ZNHIT6: variants seen among roughly 807,000 people sequenced by gnomAD.
ZNHIT6 encodes the protein zinc finger HIT-type containing 6.
Under a neutral mutation model 57.2 loss-of-function variants are expected in ZNHIT6, and 45 were observed. The ratio of observed to expected loss-of-function variants is 0.79; its 90% CI spans 0.62 to 1.01. The LOEUF (loss-of-function observed/expected upper bound fraction) is 1.01, where lower values mean the gene tolerates loss of function less well. Ranked by LOEUF, ZNHIT6 falls within the 50% of genes least tolerant of loss-of-function variation. The probability of loss-of-function intolerance (pLI) is 0.00; values close to 1 mark genes in which losing one functional copy is unlikely to be tolerated. For missense variants in ZNHIT6, 528 were observed against 567.3 expected (o/e 0.93, Z 0.70); for synonymous variants, 188 against 190.0 (o/e 0.99, Z 0.09).
chr1:85,668,987 T>TAA (rs199522041), intron 8 of ZNHIT6, among the ~76,000 whole-genome samples: 35 of 149,258 alleles, frequency 2.3e-4, no homozygotes, highest in African/African-American at 8.4e-4. Context: ...ACAGAGATTG[T>TAA]AAAAAAAAAA....
chr1:85,700,371 G>T (rs1001315887), intron 5 of ZNHIT6, among the ~76,000 whole-genome samples: 2 of 152,104 alleles, frequency 1.3e-5, no homozygotes, highest in Non-Finnish European at 2.9e-5. Flanking sequence ...CTCCTCCTGG[G>T]AAACACTAAA....
In ZNHIT6 at chr1:85,653,977, C is replaced by A; in HGVS notation, c.*81G>T. On this transcript the variant is annotated 3_prime_UTR_variant, in exon 10 of 10. Coordinates refer to ENST00000370574, the MANE Select transcript of ZNHIT6 (RefSeq NM_017953.4). ...AATTCCAATCACCCATTGACAATAC[C>A]CCAATCAGCCAACAGCCCATCAATG... 8.6e-7 allele frequency: 1 copy of A among 1,161,248 alleles called. No individual in the cohort carries two copies. The highest frequency in any genetic ancestry group is 1.3e-6 in the Non-Finnish European group (1 of 794,354). The allele number at this position is 1,161,248 out of a possible 1,614,324, so 71.9% of individuals were successfully genotyped here.
Position 85,652,523 on chromosome 1 carries a change from A to G in ZNHIT6, c.*1535T>C, listed in dbSNP as rs1660940613. On this transcript the variant is annotated 3_prime_UTR_variant, in exon 10 of 10. Coordinates refer to ENST00000370574, the MANE Select transcript of ZNHIT6 (RefSeq NM_017953.4). ...AGGACTCACTTTCTATGAACTTTCT[A>G]TGAATCACATTCCATTAGTACTTTC... 6.6e-6 allele frequency: 1 copy of G among 152,202 alleles called. No individual in the cohort carries two copies. Among genetic ancestry groups the G allele is most frequent in the South Asian group, 2.1e-4 (1 of 4,834 alleles). The allele number at this position is 152,202 out of a possible 1,614,324, so 9.4% of individuals were successfully genotyped here. A position where few individuals can be genotyped will look rare whatever the true frequency, so the allele number is the denominator to read the frequency against.
chr1:85,669,525 AG>A (rs1661493248), intron 8 of ZNHIT6, among the ~76,000 whole-genome samples: 1 of 152,240 alleles, frequency 6.6e-6, no homozygotes, highest in African/African-American at 2.4e-5. Context: ...AAACCAGCAC[AG>A]GAGGAAACAA....
Position 85,673,646 on chromosome 1 carries a change from A to G in ZNHIT6, c.1247+3590T>C, listed in dbSNP as rs181436801. Among the ~76,000 whole-genome samples, 24 of 152,328 alleles carry G rather than the reference A, an allele frequency of 1.6e-4. No individual in the cohort carries two copies. The East Asian group carries it at 4.4e-3, about 28-fold the overall frequency. ...TTCTGATTTCTAAGCACTTTTCAGG[A>G]AATTAATAAAATGGTTCTATTTAGA... On this transcript the variant is annotated intron_variant, in intron 8 of 9. Coordinates refer to ENST00000370574, the MANE Select transcript of ZNHIT6 (RefSeq NM_017953.4).
intron 8 of ZNHIT6, among the ~76,000 whole-genome samples, chr1:85,666,335 A>G (rs1031763488): frequency 6.6e-6 from 1 of 152,244 alleles, no homozygotes; most frequent in Admixed American, 6.5e-5. Context: ...TAACATAACA[A>G]GGATAGGTAA....
chr1:85,662,209 C>T (rs1274353640), intron 8 of ZNHIT6, among the ~76,000 whole-genome samples: 18 of 146,544 alleles, frequency 1.2e-4, no homozygotes, highest in African/African-American at 3.0e-4. Flanking sequence ...TTTAAAGAAA[C>T]GAAATCACAA....
At chr1:85,658,893 A>C (rs1661148530) in intron 8 of ZNHIT6, among the ~76,000 whole-genome samples, 1 of 152,044 alleles carries the variant, frequency 6.6e-6, no homozygotes, top group Admixed American at 6.6e-5. Flanking sequence ...AAAATAAAAT[A>C]ATAATAATAT....
rs140231242 is a variant in ZNHIT6, at chr1:85,651,420, T to C, written c.*2638A>G. 0.036 allele frequency: 5,406 copies of C among 152,190 alleles called. 112 individuals carry two copies. Among genetic ancestry groups the C allele is most frequent in the Middle Eastern group, 0.082 (24 of 294 alleles). 9.4% of individuals were successfully genotyped at this position (152,190 alleles called of 1,614,324 possible). A position where few individuals can be genotyped will look rare whatever the true frequency, so the allele number is the denominator to read the frequency against. On this transcript the variant is annotated 3_prime_UTR_variant, in exon 10 of 10. Coordinates refer to ENST00000370574, the MANE Select transcript of ZNHIT6 (RefSeq NM_017953.4). ...GCCTGGCTAATTTTTGTATTTTTAGTAGACACAGGGTTTTGCCATGTTGGC... is the reference window on the plus strand; with the variant it reads ...GCCTGGCTAATTTTTGTATTTTTAGCAGACACAGGGTTTTGCCATGTTGGC...
At chr1:85,706,606 A>G in intron 1 of ZNHIT6, 99 bp from the exon 2 acceptor site, 1 of 1,112,222 alleles carries the variant, frequency 9.0e-7, no homozygotes, top group East Asian at 2.9e-5. Context: ...GTGACAAGTA[A>G]CTGATAAAAT....
chr1:85,694,393 G>A (rs984939861), intron 5 of ZNHIT6, among the ~76,000 whole-genome samples: 4 of 152,052 alleles, frequency 2.6e-5, no homozygotes, highest in African/African-American at 9.7e-5. Context: ...AAATATTGAT[G>A]ACAGAATTTA....
At chr1:85,693,982 C>G (rs114438277) in intron 5 of ZNHIT6, among the ~76,000 whole-genome samples, 2,982 of 151,720 alleles carry the variant, frequency 0.02, 97 homozygotes, top group African/African-American at 0.067. Flanking sequence ...AACAGATAAA[C>G]AAAAAACAAA....
Position 85,653,924 on chromosome 1 carries a change from GTTAAGC to G in ZNHIT6, c.*128_*133del. On this transcript the variant is annotated 3_prime_UTR_variant, in exon 10 of 10. Transcript: ENST00000370574. ...GTTATAAAATACATTTTTTAAAAGA[GTTAAGC>G]TTATTTTTCATACAAAGAAAAAATT... The G allele has an allele frequency of 3.0e-6, 2 of 665,276 alleles. No individual in the cohort carries two copies. The highest frequency in any genetic ancestry group is 4.0e-5 in the South Asian group (2 of 50,014). 41.2% of individuals were successfully genotyped at this position (665,276 alleles called of 1,614,324 possible). A position where few individuals can be genotyped will look rare whatever the true frequency, so the allele number is the denominator to read the frequency against.
At chr1:85,671,389 G>A (rs961240992) in intron 8 of ZNHIT6, among the ~76,000 whole-genome samples, 1 of 152,146 alleles carries the variant, frequency 6.6e-6, no homozygotes, top group Non-Finnish European at 1.5e-5. Context: ...AGGCGTTCAA[G>A]GCTGCAGTGA....
intron 5 of ZNHIT6, among the ~76,000 whole-genome samples, chr1:85,684,407 G>C (rs1661966956): frequency 6.6e-6 from 1 of 152,138 alleles, no homozygotes; most frequent in South Asian, 2.1e-4. Context: ...GCCCCAAAGA[G>C]GGCAAAAACT....
chr1:85,674,451 A>T (rs986170606), intron 8 of ZNHIT6, among the ~76,000 whole-genome samples: 1 of 152,134 alleles, frequency 6.6e-6, no homozygotes, highest in African/African-American at 2.4e-5. Flanking sequence ...CAGGTTTAGT[A>T]TCAAATCAGT....
In ZNHIT6 at chr1:85,652,702, T is replaced by C. The variant is rs1660945891; in HGVS notation, c.*1356A>G. The stretch of plus-strand genomic sequence containing the variant: ...TTTAAGTCTCCTTAACTAACGTCTC[T>C]GGTTTCTTTTTGGTAAAAAACTTAT... On this transcript the variant is annotated 3_prime_UTR_variant, in exon 10 of 10. Transcript: ENST00000370574. 8 of 152,202 alleles carry C rather than the reference T, an allele frequency of 5.3e-5. No individual in the cohort carries two copies. Among genetic ancestry groups the C allele is most frequent in the Admixed American group, 4.6e-4 (7 of 15,280 alleles). The allele number at this position is 152,202 out of a possible 1,614,324, so 9.4% of individuals were successfully genotyped here.
At chr1:85,670,468 T>C (rs1661528589) in intron 8 of ZNHIT6, among the ~76,000 whole-genome samples, 1 of 152,116 alleles carries the variant, frequency 6.6e-6, no homozygotes, top group South Asian at 2.1e-4. Context: ...TTTTAATGAA[T>C]TAGCACACTG....
chr1:85,690,931 C>A (rs9793547), intron 5 of ZNHIT6, among the ~76,000 whole-genome samples: 111,781 of 151,948 alleles, frequency 0.74, 43,145 homozygotes, highest in East Asian at 0.93. Context: ...GAGGCTGAGG[C>A]AGAAGAATCA....
Sources: allele counts gnomAD v4.1 joint callset (sites outside exome capture counted in the v4.1 genomes callset), GRCh38; gene constraint gnomAD v4.1.1; transcripts MANE v1.5; gene names NCBI Gene and HGNC (gene_info 2026-07-23, HGNC 2026-07-21).